The following TTC6 variants were observed in gnomAD, a reference collection of about 807,000 sequenced individuals.
The protein encoded by TTC6 is tetratricopeptide repeat domain 6.
In TTC6, 172 loss-of-function variants were observed where a neutral mutation model predicts 210.4. The ratio of observed to expected loss-of-function variants is 0.82; its 90% CI spans 0.72 to 0.93. The LOEUF (loss-of-function observed/expected upper bound fraction) is 0.93, where lower values mean the gene tolerates loss of function less well. TTC6 is among the 40% of genes least tolerant of loss of function. The probability of loss-of-function intolerance (pLI) is 0.00; values close to 1 mark genes in which losing one functional copy is unlikely to be tolerated. For missense variants in TTC6, 2,414 were observed against 2,318.1 expected (o/e 1.04, Z -0.85); for synonymous variants, 804 against 819.6 (o/e 0.98, Z 0.32).
chr14:37,680,377 G>A (rs2095780611), intron 2 of TTC6, 116 bp downstream of exon 4: 1 of 661,738 alleles, frequency 1.5e-6, no homozygotes, highest in African/African-American at 1.8e-5. Flanking sequence ...TTAGAAGTGT[G>A]TTTACCTGTG....
intron 1 of TTC6, among the ~76,000 whole-genome samples, chr14:37,667,861 G>C (rs568917128): frequency 6.6e-6 from 1 of 150,582 alleles, no homozygotes; most frequent in Admixed American, 6.6e-5. Context: ...GCTGGGGCCG[G>C]GCATGGTGGT....
At chr14:37,720,286 A>G (rs575186477) in intron 6 of TTC6, 8 of 152,308 alleles carry the variant, frequency 5.3e-5, no homozygotes, top group African/African-American at 1.9e-4. Flanking sequence ...TAATTAGAAA[A>G]AAACCCAAAG....
chr14:37,691,383 G>A (rs754789201), intron 3 of TTC6, among the ~76,000 whole-genome samples: 15 of 152,012 alleles, frequency 9.9e-5, no homozygotes, highest in African/African-American at 1.4e-4. Flanking sequence ...CTAGAAATCA[G>A]TAACAAGAAT....
chr14:37,795,306 C>T (rs1009800980), exon 18 of TTC6: 29 of 1,532,128 alleles, frequency 1.9e-5, no homozygotes, highest in African/African-American at 6.9e-5. Flanking sequence ...TGAATTGTCT[C>T]GTGCTATCCA....
At chr14:37,736,830 C>T (rs1427597711) in intron 8 of TTC6, among the ~76,000 whole-genome samples, 2 of 152,142 alleles carry the variant, frequency 1.3e-5, no homozygotes, top group African/African-American at 4.8e-5. Flanking sequence ...TCATGGCTTA[C>T]TGCAGCCTGG....
intron 29 of TTC6, among the ~76,000 whole-genome samples, chr14:37,833,748 C>T (rs2096191504): frequency 6.6e-6 from 1 of 152,028 alleles, no homozygotes; most frequent in South Asian, 2.1e-4. Context: ...TGATTCCTTT[C>T]ACCTTCTCCT....
rs1288239704 is a variant in TTC6, at chr14:37,799,905, G to A, written c.4029+2958G>A. 2.0e-5 allele frequency among the ~76,000 whole-genome samples: 3 copies of A among 152,138 alleles called. No homozygotes were observed. In the East Asian group the frequency reaches 5.8e-4, roughly 29 times the overall value. ...AGAGGACTCAGCTAAGCTATGCGCA[G>A]GCTCCTGGCCCCTCACCTCTGCTTG... is the stretch of plus-strand genomic sequence containing the variant. On this transcript the variant is annotated intron_variant, in intron 20 of 30. Coordinates refer to ENST00000553443, the Ensembl canonical transcript of TTC6.
intron 24 of TTC6, among the ~76,000 whole-genome samples, chr14:37,810,824 C>G (rs764669148): frequency 6.6e-6 from 1 of 152,184 alleles, no homozygotes; most frequent in African/African-American, 2.4e-5. Flanking sequence ...GGTTCTAACA[C>G]TTTATATTAA....
At chr14:37,749,426 T>C (rs1298371872) in intron 11 of TTC6, 25 bp downstream of exon 13, 2 of 1,391,450 alleles carry the variant, frequency 1.4e-6, no homozygotes, top group East Asian at 2.6e-5. Flanking sequence ...ACCAAAATAG[T>C]AATATTCACC....
chr14:37,611,299 C>T (rs2095634043), intron 2 of TTC6: 1 of 152,250 alleles, frequency 6.6e-6, no homozygotes, highest in African/African-American at 2.4e-5. Context: ...GTTGGACACT[C>T]GCCGAGCGGC....
chr14:37,827,817 T>G (rs991281863), intron 29 of TTC6: 7 of 154,256 alleles, frequency 4.5e-5, no homozygotes, highest in Non-Finnish European at 1.0e-4. Flanking sequence ...AAATGCTTCA[T>G]GAATTTGCAT....
In TTC6 at chr14:37,622,464, A is replaced by T; in HGVS notation, c.400A>T (p.Lys134Ter). 3 of 1,535,166 alleles carry T rather than the reference A, an allele frequency of 2.0e-6. No homozygotes were observed. Among genetic ancestry groups the T allele is most frequent in the Non-Finnish European group, 2.6e-6 (3 of 1,146,542 alleles). ...CGCGTTCCTACGGCACCAGGCCCTG[A>T]AAAAGCCCCCAGTCATCGCCTCGGG... Residue 134 changes from lysine to a stop codon, truncating the protein, a stop_gained, in exon 1 of 31, where the codon AAA (lysine) becomes TAA (stop). Coordinates refer to ENST00000553443, the Ensembl canonical transcript of TTC6. LOFTEE classifies it high-confidence loss of function.
At chr14:37,834,645 A>C (rs2096193687) in intron 29 of TTC6, among the ~76,000 whole-genome samples, 1 of 152,058 alleles carries the variant, frequency 6.6e-6, no homozygotes, top group Admixed American at 6.5e-5. Flanking sequence ...TAAGGTCAAT[A>C]TTTTGAATTC....
At chr14:37,661,801 A>T (rs984525404) in intron 1 of TTC6, among the ~76,000 whole-genome samples, 1 of 152,112 alleles carries the variant, frequency 6.6e-6, no homozygotes, top group Non-Finnish European at 1.5e-5. Flanking sequence ...TCTTATGAGC[A>T]TGGAATATTT....
chr14:37,830,571 C>T (rs2096182343), intron 29 of TTC6, among the ~76,000 whole-genome samples: 1 of 151,418 alleles, frequency 6.6e-6, no homozygotes, highest in African/African-American at 2.4e-5. Context: ...ATACTGTTTC[C>T]TGAGATACCT....
intron 17 of TTC6, among the ~76,000 whole-genome samples, chr14:37,793,937 G>A (rs940928045): frequency 2.0e-5 from 3 of 152,100 alleles, no homozygotes; most frequent in African/African-American, 4.8e-5. Flanking sequence ...TGTACAATAC[G>A]ATTCCATGTA....
At chr14:37,654,499 G>A (rs777567096) in intron 1 of TTC6, among the ~76,000 whole-genome samples, 1 of 151,876 alleles carries the variant, frequency 6.6e-6, no homozygotes, top group Non-Finnish European at 1.5e-5. Flanking sequence ...GAAGCTTCCT[G>A]AAGCCTCCCC....
At chr14:37,817,510 G>T in intron 25 of TTC6, 68 bp from the exon 28 acceptor site, 1 of 1,379,946 alleles carries the variant, frequency 7.2e-7, no homozygotes. Context: ...ATCACAGTTA[G>T]AAGGAAGTTT....
chr14:37,749,816 A>T, exon 12 of TTC6: 1 of 1,413,414 alleles, frequency 7.1e-7, no homozygotes, highest in Non-Finnish European at 9.2e-7. Context: ...CTTGAATTAT[A>T]TACATAAATA....
Sources: allele counts gnomAD v4.1 joint callset (sites outside exome capture counted in the v4.1 genomes callset), GRCh38; gene constraint gnomAD v4.1.1; transcripts MANE v1.5; gene names NCBI Gene and HGNC (gene_info 2026-07-23, HGNC 2026-07-21).